CNTNAP2: variants seen among roughly 807,000 people sequenced by gnomAD.
The protein encoded by CNTNAP2 is contactin-associated protein-like 2.
Under a neutral mutation model 155.2 loss-of-function variants are expected in CNTNAP2, and 98 were observed. The observed-to-expected ratio is 0.63, with a 90% CI of 0.54 to 0.75. The LOEUF is 0.75. CNTNAP2 is among the 30% of genes least tolerant of loss of function. The pLI is 0.00. For synonymous variants in CNTNAP2, 651 were observed against 631.2 expected, an observed-to-expected ratio of 1.03 and a Z score of -0.47; for missense variants, 1,727 against 1,688.1, an observed-to-expected ratio of 1.02 and a Z score of -0.40.
intron 9 of CNTNAP2, among the ~76,000 whole-genome samples, chr7:147,348,393 A>G (rs1033099613): frequency 6.6e-6 from 1 of 152,044 alleles, no homozygotes; most frequent in Non-Finnish European, 1.5e-5. Context: ...AAAATGAAAA[A>G]AAATTCTCAA....
intron 1 of CNTNAP2, among the ~76,000 whole-genome samples, chr7:146,634,341 A>G (rs1799562887): frequency 6.6e-6 from 1 of 152,228 alleles, no homozygotes; most frequent in Admixed American, 6.5e-5. Flanking sequence ...GTTGGAAAGA[A>G]TAATTAGAAC....
At chr7:146,915,434 C>G (rs1304592499) in intron 3 of CNTNAP2, among the ~76,000 whole-genome samples, 1 of 152,086 alleles carries the variant, frequency 6.6e-6, no homozygotes, top group Admixed American at 6.6e-5. Flanking sequence ...TTGATTCTAC[C>G]CATGCATGAG....
chr7:146,249,600 G>T (rs1389470238), intron 1 of CNTNAP2, among the ~76,000 whole-genome samples: 2 of 152,100 alleles, frequency 1.3e-5, no homozygotes, highest in Non-Finnish European at 2.9e-5. Flanking sequence ...TGTGCTGCTT[G>T]AATATTATTT....
intron 13 of CNTNAP2, among the ~76,000 whole-genome samples, chr7:147,759,521 A>T (rs1327569333): frequency 6.6e-6 from 1 of 152,224 alleles, no homozygotes; most frequent in Non-Finnish European, 1.5e-5. Flanking sequence ...CAGACCTCAG[A>T]TAACACAAGG....
At chr7:148,032,987 G>A (rs770519684) in intron 15 of CNTNAP2, among the ~76,000 whole-genome samples, 7 of 152,086 alleles carry the variant, frequency 4.6e-5, no homozygotes, top group Non-Finnish European at 7.4e-5. Flanking sequence ...CAGGTTCCAC[G>A]CAGACAGAGT....
intron 4 of CNTNAP2, among the ~76,000 whole-genome samples, chr7:147,045,286 G>A (rs567639697): frequency 1.1e-4 from 16 of 152,138 alleles, no homozygotes; most frequent in East Asian, 3.9e-4. Context: ...AAATGCCCCC[G>A]TTGGACAAGC....
At chr7:148,293,730 G>A (rs17170941) in intron 21 of CNTNAP2, among the ~76,000 whole-genome samples, 2 of 151,990 alleles carry the variant, frequency 1.3e-5, no homozygotes, top group African/African-American at 4.8e-5. Flanking sequence ...ATGCTTTCAA[G>A]TTTCAGCTTT....
chr7:147,457,036 A>G (rs1468990871), intron 10 of CNTNAP2, among the ~76,000 whole-genome samples: 1 of 152,200 alleles, frequency 6.6e-6, no homozygotes, highest in Non-Finnish European at 1.5e-5. Context: ...CAAAGTAGTC[A>G]GGCCTTCGAT....
chr7:146,412,321 C>T (rs1221065564), intron 1 of CNTNAP2, among the ~76,000 whole-genome samples: 1 of 152,140 alleles, frequency 6.6e-6, no homozygotes, highest in African/African-American at 2.4e-5. Flanking sequence ...GTATAAATGT[C>T]TGCAAAGATG....
At chr7:147,025,505 A>G (rs1395911459) in intron 3 of CNTNAP2, among the ~76,000 whole-genome samples, 1 of 30,226 alleles carries the variant, frequency 3.3e-5, no homozygotes, top group African/African-American at 1.6e-4. Context: ...GGGGAGGGGG[A>G]CGGGGAGAAG....
chr7:146,899,862 A>G (rs942793626), intron 3 of CNTNAP2, among the ~76,000 whole-genome samples: 2 of 152,216 alleles, frequency 1.3e-5, no homozygotes, highest in Non-Finnish European at 2.9e-5. Flanking sequence ...GTGCATTATG[A>G]TAAGAGCAAG....
At chr7:146,860,596 C>T (rs1207404471) in intron 3 of CNTNAP2, among the ~76,000 whole-genome samples, 1 of 152,060 alleles carries the variant, frequency 6.6e-6, no homozygotes, top group Non-Finnish European at 1.5e-5. Context: ...TTGATCTACT[C>T]ATCCCTATGA....
chr7:146,160,382 CA>C (rs578050896), intron 1 of CNTNAP2, among the ~76,000 whole-genome samples: 168 of 152,108 alleles, frequency 1.1e-3, no homozygotes, highest in Non-Finnish European at 2.0e-3. Flanking sequence ...AAAAACCCTT[CA>C]AAAAATCAAT....
intron 1 of CNTNAP2, chr7:146,311,934 C>A (rs960263098): frequency 6.6e-6 from 1 of 151,884 alleles, no homozygotes; most frequent in Non-Finnish European, 1.5e-5. Flanking sequence ...GAAGGACAAT[C>A]AATATAAATC....
At chr7:148,302,654 G>C (rs1166997015) in intron 21 of CNTNAP2, among the ~76,000 whole-genome samples, 3 of 152,064 alleles carry the variant, frequency 2.0e-5, no homozygotes, top group Non-Finnish European at 4.4e-5. Context: ...CACAAGATCT[G>C]ATGGTTTTAT....
At chr7:148,277,584 G>A (rs1796891367) in intron 21 of CNTNAP2, among the ~76,000 whole-genome samples, 1 of 132,746 alleles carries the variant, frequency 7.5e-6, no homozygotes, top group Non-Finnish European at 1.6e-5. Context: ...TGTTAGTACA[G>A]GACCGCCCCC....
At chr7:148,326,147 T>C (rs1392109998) in intron 21 of CNTNAP2, among the ~76,000 whole-genome samples, 1 of 151,918 alleles carries the variant, frequency 6.6e-6, no homozygotes, top group East Asian at 1.9e-4. Context: ...GTTTTTTTTT[T>C]TCATTAAGTT....
chr7:146,972,948 T>G (rs1030669453), intron 3 of CNTNAP2, among the ~76,000 whole-genome samples: 2 of 152,194 alleles, frequency 1.3e-5, no homozygotes, highest in African/African-American at 4.8e-5. Flanking sequence ...CCATAGCAAC[T>G]GGTCACATGT....
intron 9 of CNTNAP2, among the ~76,000 whole-genome samples, chr7:147,345,522 G>A (rs143932980): frequency 1.3e-5 from 2 of 152,132 alleles, no homozygotes; most frequent in African/African-American, 2.4e-5. Context: ...TGAAGTGAAT[G>A]TTAAGTTTAT....
Sources: allele counts gnomAD v4.1 joint callset (sites outside exome capture counted in the v4.1 genomes callset), GRCh38; gene constraint gnomAD v4.1.1; transcripts MANE v1.5; gene names NCBI Gene and HGNC (gene_info 2026-07-23, HGNC 2026-07-21).